F13A1: variants seen among roughly 807,000 people sequenced by gnomAD.
The protein encoded by F13A1 is coagulation factor XIII A chain.
In F13A1, 47 loss-of-function variants were observed where a neutral mutation model predicts 80.1. That is an observed-to-expected ratio of 0.59 (90% CI 0.46 to 0.75). F13A1 has a LOEUF of 0.75. Ranked by LOEUF, F13A1 falls within the 30% of genes least tolerant of loss-of-function variation. The probability of loss-of-function intolerance (pLI) is 0.00; values close to 1 mark genes in which losing one functional copy is unlikely to be tolerated. For missense variants in F13A1, 817 were observed against 930.4 expected (o/e 0.88, Z 1.59); for synonymous variants, 349 against 344.9 (o/e 1.01, Z -0.13).
intron 9 of F13A1, among the ~76,000 whole-genome samples, chr6:6,196,988 A>G (rs1001236345): frequency 2.0e-5 from 3 of 152,244 alleles, no homozygotes; most frequent in African/African-American, 7.2e-5. Context: ...GAATGGATGA[A>G]TTATACGTTG....
chr6:6,235,509 G>A lies in F13A1; in HGVS notation c.799-10649C>T, dbSNP rs139727861. On this transcript the variant is annotated intron_variant, in intron 6 of 14. Coordinates refer to ENST00000264870, the MANE Select transcript of F13A1 (RefSeq NM_000129.4). The stretch of plus-strand genomic sequence containing the variant: ...ACAGATATTCCATCAAAGAAAATAC[G>A]TGGGTGGCCAATCACAACAAAAGAT... 4.0e-3 allele frequency among the ~76,000 whole-genome samples: 601 copies of A among 152,012 alleles called. 3 individuals carry two copies. Among genetic ancestry groups the A allele is most frequent in the Non-Finnish European group, 5.9e-3 (401 of 67,878 alleles).
chr6:6,237,966 T>C (rs2113083338), intron 6 of F13A1, among the ~76,000 whole-genome samples: 1 of 152,268 alleles, frequency 6.6e-6, no homozygotes, highest in East Asian at 1.9e-4. Flanking sequence ...GAAAGTTGTT[T>C]CCAAAATTTA....
chr6:6,288,035 A>C (rs2113152635), intron 3 of F13A1, among the ~76,000 whole-genome samples: 1 of 152,322 alleles, frequency 6.6e-6, no homozygotes, highest in South Asian at 2.1e-4. Flanking sequence ...CTTATGGGGA[A>C]TCTATTGGGA....
rs573421895 is a variant in F13A1 at position 6,271,779 on chromosome 6, T to C, written c.320-4970A>G. 2.7e-3 allele frequency among the ~76,000 whole-genome samples: 410 copies of C among 152,374 alleles called. 4 individuals carry two copies. Among genetic ancestry groups the C allele is most frequent in the African/African-American group, 9.2e-3 (384 of 41,588 alleles). ...GCTTGCTTCCATTTGTGAATTATTA[T>C]TGAGGCCACAAAACTAATGTTTTTA... On this transcript the variant is annotated intron_variant, in intron 3 of 14. Coordinates refer to ENST00000264870, the MANE Select transcript of F13A1 (RefSeq NM_000129.4).
At chr6:6,163,842 G>A (rs9405902) in intron 13 of F13A1, among the ~76,000 whole-genome samples, 19,189 of 152,196 alleles carry the variant, frequency 0.13, 1,338 homozygotes, top group South Asian at 0.25. Context: ...TAATGGGATT[G>A]CTGGGTCAAA....
intron 6 of F13A1, among the ~76,000 whole-genome samples, chr6:6,231,346 T>A (rs1259526926): frequency 6.6e-6 from 1 of 151,860 alleles, no homozygotes; most frequent in Admixed American, 6.6e-5. Context: ...CAAAGACAAG[T>A]TCTTTGAATT....
intron 8 of F13A1, among the ~76,000 whole-genome samples, chr6:6,197,736 G>T (rs942369998): frequency 6.6e-5 from 10 of 151,992 alleles, no homozygotes; most frequent in Non-Finnish European, 1.5e-4. Context: ...TTATTAGAAT[G>T]GATTAAGCCA....
chr6:6,317,561 T>A (rs1583130594), intron 2 of F13A1, among the ~76,000 whole-genome samples: 1 of 152,112 alleles, frequency 6.6e-6, no homozygotes, highest in East Asian at 1.9e-4. Context: ...TGGGCAAGTG[T>A]CTGGCTTGCT....
chr6:6,224,786 C>G lies in F13A1; in HGVS notation c.873G>C (p.Ser291=). The change falls in exon 7 of 15, where the codon TCG becomes TCC. Residue 291 remains serine, a synonymous_variant. Transcript: ENST00000264870. ...DNIYAYGVPP[S]AWTGSVDILL... is the part of the protein sequence containing the mutation. Reference sequence around the variant, plus strand: ...GAATGTCAACGCTTCCAGTCCAGGCCGATGGGGGGACGCCATAGGCATAGA... The same window carrying G: ...GAATGTCAACGCTTCCAGTCCAGGCGGATGGGGGGACGCCATAGGCATAGA... The G allele has an allele frequency of 6.2e-7, 1 of 1,614,068 alleles. No homozygotes were observed. The highest frequency in any genetic ancestry group is 2.2e-5 in the East Asian group (1 of 44,884).
chr6:6,145,440 T>A lies in F13A1; in HGVS notation c.*179A>T, dbSNP rs1470119845. The A allele has an allele frequency of 1.3e-6, 1 of 744,744 alleles. No individual in the cohort carries two copies. Among genetic ancestry groups the A allele is most frequent in the Non-Finnish European group, 2.3e-6 (1 of 436,386 alleles). The allele number at this position is 744,744 out of a possible 1,614,324, so 46.1% of individuals were successfully genotyped here. A position where few individuals can be genotyped will look rare whatever the true frequency, so the allele number is the denominator to read the frequency against. ...ATTAAAAACTAACTTCCTTGCCGAA[T>A]AGCCTGGGTTTGGAAAAGCATGTTT... On this transcript the variant is annotated 3_prime_UTR_variant, in exon 15 of 15. Coordinates refer to ENST00000264870, the MANE Select transcript of F13A1 (RefSeq NM_000129.4).
rs200830173 is a variant in F13A1, at chr6:6,167,487, C to T, written c.1879G>A (p.Val627Met). Reference sequence around the variant, plus strand: ...ATGATGATCTCAGGGATGGTTAGCACGGTGGACTTTTGCTTGGCCAGAACA... The same window carrying T: ...ATGATGATCTCAGGGATGGTTAGCATGGTGGACTTTTGCTTGGCCAGAACA... ...RDVLAKQKST[V>M]LTIPEIIIKV... Residue 627 changes from valine (V) to methionine (M), a missense_variant, in exon 13 of 15, where the codon GTG becomes ATG. Coordinates refer to ENST00000264870, the MANE Select transcript of F13A1 (RefSeq NM_000129.4). 5.6e-6 allele frequency: 9 copies of T among 1,613,996 alleles called. No homozygotes were observed. Among genetic ancestry groups the T allele is most frequent in the East Asian group, 2.2e-5 (1 of 44,870 alleles).
Position 6,248,433 on chromosome 6 carries a change from G to T in F13A1, c.691-14C>A, listed in dbSNP as rs892532551. 6.2e-7 allele frequency: 1 copy of T among 1,606,146 alleles called. No homozygotes were observed. Among genetic ancestry groups the T allele is most frequent in the Non-Finnish European group, 8.5e-7 (1 of 1,174,514 alleles). ...GCCATCTTCAAACTATTTGGAGAAA[G>T]AAAAACAAAGAGAAACTAGTGTTCA... On this transcript the variant is annotated splice_polypyrimidine_tract_variant and intron_variant, in intron 5 of 14. Transcript: ENST00000264870.
chr6:6,312,989 CAA>C (rs1758627190), intron 2 of F13A1, among the ~76,000 whole-genome samples: 1 of 152,146 alleles, frequency 6.6e-6, no homozygotes, highest in Admixed American at 6.5e-5. Flanking sequence ...CTGATAGTAT[CAA>C]AGACTCTGAA....
chr6:6,193,649 C>T (rs1222028825), intron 10 of F13A1, among the ~76,000 whole-genome samples: 1 of 152,216 alleles, frequency 6.6e-6, no homozygotes, highest in Non-Finnish European at 1.5e-5. Context: ...ACATTCATAA[C>T]ACCCCGATCT....
At chr6:6,197,472 C>A in intron 8 of F13A1, 146 bp from the exon 9 acceptor site, 1 of 727,552 alleles carries the variant, frequency 1.4e-6, no homozygotes, top group South Asian at 1.5e-5. Context: ...AAGGTCAAGA[C>A]ATCAAGACCA....
intron 8 of F13A1, among the ~76,000 whole-genome samples, chr6:6,218,348 T>C (rs1757134021): frequency 6.6e-6 from 1 of 152,120 alleles, no homozygotes; most frequent in African/African-American, 2.4e-5. Flanking sequence ...CACTGAGCCC[T>C]CGTATTCTAT....
chr6:6,209,034 TAAGA>T (rs1427692561), intron 8 of F13A1, among the ~76,000 whole-genome samples: 1 of 152,100 alleles, frequency 6.6e-6, no homozygotes, highest in Non-Finnish European at 1.5e-5. Context: ...AGAACACCAT[TAAGA>T]AAGTGAAAAG....
At chr6:6,233,209 A>T (rs1287787851) in intron 6 of F13A1, among the ~76,000 whole-genome samples, 2 of 152,042 alleles carry the variant, frequency 1.3e-5, no homozygotes, top group African/African-American at 4.8e-5. Flanking sequence ...TCATTAGCAA[A>T]ATTAACCAAA....
chr6:6,195,282 TC>T (rs1176532487), intron 10 of F13A1, among the ~76,000 whole-genome samples: 1 of 152,160 alleles, frequency 6.6e-6, no homozygotes, highest in Non-Finnish European at 1.5e-5. Flanking sequence ...CTCCCCTTCC[TC>T]CTTTGGCAAC....
Sources: allele counts gnomAD v4.1 joint callset (sites outside exome capture counted in the v4.1 genomes callset), GRCh38; gene constraint gnomAD v4.1.1; transcripts MANE v1.5; gene names NCBI Gene and HGNC (gene_info 2026-07-23, HGNC 2026-07-21).